The following SUMF1 variants were observed in gnomAD, a reference collection of about 807,000 sequenced individuals.
SUMF1 encodes the protein sulfatase modifying factor 1.
Under a neutral mutation model 47.6 loss-of-function variants are expected in SUMF1, and 48 were observed. The observed-to-expected ratio is 1.01, with a 90% CI of 0.80 to 1.28. SUMF1 has a LOEUF of 1.28. SUMF1 is among the 50% of genes most tolerant of loss of function. The pLI is 0.00. For synonymous variants in SUMF1, 230 were observed against 192.1 expected (o/e 1.20, Z -1.63); for missense variants, 571 against 485.4 (o/e 1.18, Z -1.66).
At chr3:4,449,215 C>T (rs773986505) in intron 3 of SUMF1, 51 bp downstream of exon 3, 4 of 1,605,184 alleles carry the variant, frequency 2.5e-6, no homozygotes, top group Non-Finnish European at 3.4e-6. Context: ...CACCCAAACC[C>T]TTTTCAATGA....
rs1047986327 is a variant in SUMF1 at position 4,298,035 on chromosome 3, G to A, written c.1014+78295C>T. On this transcript the variant is annotated intron_variant and NMD_transcript_variant, in intron 8 of 12. Transcript: ENST00000448413. ...TGTCAGAGTTTTATTATATTGTATT[G>A]TTTTCTTTTTATTTTTTTATTACTG... 4.6e-5 allele frequency among the ~76,000 whole-genome samples: 7 copies of A among 151,962 alleles called. No homozygotes were observed. In the East Asian group the frequency reaches 1.4e-3, roughly 29 times the overall value.
intron 8 of SUMF1, among the ~76,000 whole-genome samples, chr3:4,305,615 A>C (rs1186250113): frequency 6.6e-6 from 1 of 152,194 alleles, no homozygotes; most frequent in Non-Finnish European, 1.5e-5. Context: ...GCAAGGAAAT[A>C]TATTTGGGGT....
At chr3:4,292,770 T>C (rs1353680216) in intron 8 of SUMF1, among the ~76,000 whole-genome samples, 2 of 152,210 alleles carry the variant, frequency 1.3e-5, no homozygotes, top group African/African-American at 4.8e-5. Flanking sequence ...CAATCTGAAC[T>C]GCTTGTTTAA....
At chr3:4,064,037 A>G (rs1302115710) in intron 9 of SUMF1, among the ~76,000 whole-genome samples, 1 of 152,106 alleles carries the variant, frequency 6.6e-6, no homozygotes, top group African/African-American at 2.4e-5. Context: ...AGGGTGAGAT[A>G]ATGGCCCTGT....
chr3:4,152,439 C>A (rs1170459878), intron 8 of SUMF1, among the ~76,000 whole-genome samples: 1 of 151,198 alleles, frequency 6.6e-6, no homozygotes, highest in Non-Finnish European at 1.5e-5. Context: ...AGGCACAGGC[C>A]CCAACACCCG....
At chr3:4,316,907 C>T (rs1165169981) in intron 8 of SUMF1, 2 of 1,549,302 alleles carry the variant, frequency 1.3e-6, no homozygotes, top group Non-Finnish European at 1.7e-6. Flanking sequence ...AACTGCAACG[C>T]CTGCAGCTGG....
chr3:4,259,996 T>C (rs1697050432), intron 8 of SUMF1, among the ~76,000 whole-genome samples: 6 of 150,036 alleles, frequency 4.0e-5, no homozygotes, highest in Admixed American at 3.3e-4. Context: ...TCATAACATA[T>C]GTGTTGACTC....
At position 4,397,370 on chromosome 3, in the gene SUMF1, G is replaced by GT. The variant is rs375307744; in HGVS notation, c.954+13494dup. Reference sequence around the variant, plus strand: ...TTGCTTAGAATAACTGTATAAAACTGTCAGTCCTGAGTGCAGGGCCGCATA... The same window carrying GT: ...TTGCTTAGAATAACTGTATAAAACTGTTCAGTCCTGAGTGCAGGGCCGCATA... On this transcript the variant is annotated intron_variant, in intron 7 of 8. Transcript: ENST00000272902. Among the ~76,000 whole-genome samples, 32 of 152,310 alleles carry GT rather than the reference G, an allele frequency of 2.1e-4. 2 individuals are homozygous for GT. Among genetic ancestry groups the GT allele is most frequent in the African/African-American group, 7.7e-4 (32 of 41,580 alleles).
intron 8 of SUMF1, chr3:4,313,692 T>G (rs1267976359): frequency 6.2e-7 from 1 of 1,614,048 alleles, no homozygotes; most frequent in Non-Finnish European, 8.5e-7. Context: ...GTTGTGGAAA[T>G]GAGAAGGAAC....
At chr3:4,217,301 G>T (rs1471847897) in intron 8 of SUMF1, among the ~76,000 whole-genome samples, 1 of 150,190 alleles carries the variant, frequency 6.7e-6, no homozygotes, top group African/African-American at 2.5e-5. Flanking sequence ...ACTCATAAAT[G>T]GGAGTTGAAC....
chr3:4,410,719 T>C (rs1701511697), intron 7 of SUMF1, 146 bp downstream of exon 7: 2 of 744,390 alleles, frequency 2.7e-6, no homozygotes, highest in Non-Finnish European at 4.8e-6. Flanking sequence ...ATAAGAAACA[T>C]GCGCTTAATG....
Position 4,176,913 on chromosome 3 carries a change from A to G in SUMF1, c.1015-108168T>C, listed in dbSNP as rs1330115247. On this transcript the variant is annotated intron_variant and NMD_transcript_variant, in intron 8 of 12. Transcript: ENST00000448413. ...CCTCATCTCTGATAAAACAGACTTT[A>G]AACCAACAAAGATCAAAAGAGACAA... 2.0e-5 allele frequency among the ~76,000 whole-genome samples: 3 copies of G among 152,344 alleles called. 1 individual carries two copies. The highest frequency in any genetic ancestry group is 7.2e-5 in the African/African-American group (3 of 41,580).
intron 9 of SUMF1, among the ~76,000 whole-genome samples, chr3:4,058,343 T>C (rs1001947265): frequency 2.6e-5 from 4 of 152,156 alleles, no homozygotes; most frequent in South Asian, 2.1e-4. Context: ...ACATAACAAA[T>C]GCTCTTGAAA....
Position 4,111,847 on chromosome 3 carries a change from T to A in SUMF1, c.1015-43102A>T, listed in dbSNP as rs1029329193. On this transcript the variant is annotated intron_variant and NMD_transcript_variant, in intron 8 of 12. Coordinates refer to the SUMF1 transcript ENST00000448413. ...TTAGTATGGAAAATGGCAAAAAAAATTTGAAGTGCACTGGCCTAGGTTATT... is the reference window on the plus strand; with the variant it reads ...TTAGTATGGAAAATGGCAAAAAAAAATTGAAGTGCACTGGCCTAGGTTATT... Among the ~76,000 whole-genome samples, 16 of 152,174 alleles carry A rather than the reference T, an allele frequency of 1.1e-4. No homozygotes were observed. In the East Asian group the frequency reaches 1.7e-3, roughly 17 times the overall value.
At chr3:4,303,926 GC>G in intron 8 of SUMF1, 1 of 1,177,692 alleles carries the variant, frequency 8.5e-7, no homozygotes, top group African/African-American at 1.6e-5. Flanking sequence ...CATAAAAACA[GC>G]CCCTCGAGTC....
At chr3:4,319,239 G>A (rs1014824700) in intron 8 of SUMF1, among the ~76,000 whole-genome samples, 1 of 152,182 alleles carries the variant, frequency 6.6e-6, no homozygotes, top group Non-Finnish European at 1.5e-5. Context: ...CATTGATCCA[G>A]CAATCATGCT....
rs374636420 is a variant in SUMF1, at chr3:4,102,158, G to T, written c.1015-33413C>A. ...CAATTCAACATGAGATTTTGGTGGG[G>T]ATACAGCCAAGTCATATCATTTGCA... On this transcript the variant is annotated intron_variant and NMD_transcript_variant, in intron 8 of 12. Coordinates refer to the SUMF1 transcript ENST00000448413. Among the ~76,000 whole-genome samples the T allele has an allele frequency of 7.9e-5, 12 of 152,254 alleles. No individual in the cohort carries two copies. The East Asian group carries it at 2.3e-3, about 29-fold the overall frequency.
chr3:4,289,522 T>C (rs893004899), intron 8 of SUMF1, among the ~76,000 whole-genome samples: 1 of 152,196 alleles, frequency 6.6e-6, no homozygotes, highest in African/African-American at 2.4e-5. Context: ...GGAAGCTCTA[T>C]GAGTCAGAGC....
intron 3 of SUMF1, among the ~76,000 whole-genome samples, chr3:4,432,530 GTCCCCC>G (rs1702265138): frequency 2.6e-5 from 4 of 152,110 alleles, no homozygotes; most frequent in Admixed American, 2.6e-4. Context: ...CTACATCACA[GTCCCCC>G]TTGTTCCTCA....
Sources: gnomAD v4.1 joint callset for allele counts (sites outside exome capture counted in the v4.1 genomes callset) on GRCh38, gnomAD v4.1.1 for gene constraint, MANE v1.5 for transcripts, NCBI Gene and HGNC (gene_info 2026-07-23, HGNC 2026-07-21) for gene names.